Variants in SGSM2 observed in about 807,000 individuals in gnomAD.
The protein encoded by SGSM2 is RUN and TBC1 domain containing 1.
A neutral mutation model predicts 126.6 loss-of-function variants in SGSM2; 89 were observed. The observed-to-expected ratio is 0.70, with a 90% CI of 0.59 to 0.84. The LOEUF is 0.84. Among genes scored for constraint, SGSM2 ranks in the 40% least tolerant of loss-of-function variants. The pLI, the probability that SGSM2 is intolerant of heterozygous loss-of-function variation, is 0.00. For missense variants in SGSM2, 1,404 were observed against 1,416.6 expected, an observed-to-expected ratio of 0.99 and a Z score of 0.14; for synonymous variants, 614 against 574.3, an observed-to-expected ratio of 1.07 and a Z score of -0.99.
At chr17:2,375,939 G>T in intron 18 of SGSM2, 64 bp downstream of exon 18, 3 of 1,512,306 alleles carry the variant, frequency 2.0e-6, no homozygotes, top group Non-Finnish European at 2.6e-6. Flanking sequence ...TCCCAGAGCT[G>T]GGGAAGCGCT....
At chr17:2,353,841 G>A (rs956810354) in intron 2 of SGSM2, among the ~76,000 whole-genome samples, 1 of 151,978 alleles carries the variant, frequency 6.6e-6, no homozygotes, top group Admixed American at 6.6e-5. Context: ...CTATGTACGA[G>A]TCCCACACAG....
At chr17:2,340,118 CTT>C (rs201303211) in intron 1 of SGSM2, among the ~76,000 whole-genome samples, 27 of 145,366 alleles carry the variant, frequency 1.9e-4, no homozygotes, top group South Asian at 2.2e-4. Context: ...ATGGGAAATA[CTT>C]TTTTTTTTTT....
Position 2,367,193 on chromosome 17 carries a change from C to A in SGSM2, c.1289-78C>A. ...CACGATGACCCCGGCCTCCATTCCA[C>A]TCCCCTTAAGGAGGGAGTCCGTCCT... On this transcript the variant is annotated intron_variant, in intron 11 of 23. Coordinates refer to ENST00000268989, the MANE Select transcript of SGSM2 (RefSeq NM_014853.3). This position sits in a 1 kb window ranked among gnomAD's most constrained non-coding sequence, Gnocchi z 4.0. The A allele has an allele frequency of 6.7e-7, 1 of 1,488,626 alleles. No homozygotes were observed. The highest frequency in any genetic ancestry group is 1.3e-5 in the South Asian group (1 of 77,486). 92.2% of individuals were successfully genotyped at this position (1,488,626 alleles called of 1,614,324 possible). A position where few individuals can be genotyped will look rare whatever the true frequency, so the allele number is the denominator to read the frequency against.
rs774920933 is a variant in SGSM2 at position 2,373,465 on chromosome 17, C to T, written c.2052C>T (p.Asp684=). The T allele has an allele frequency of 1.5e-5, 24 of 1,607,628 alleles. No homozygotes were observed. In the South Asian group the frequency reaches 2.4e-4, roughly 16 times the overall value. ...AGTTCTCCTCAGGCAGCAGCATCGA[C>T]AGCCACGTGCAGCGCCTCATCCACC... ...RTKFSSGSSI[D]SHVQRLIHRD... Residue 684 remains aspartate (D), a synonymous_variant, in exon 17 of 24, where the codon GAC becomes GAT. Transcript: ENST00000268989.
At position 2,367,477 on chromosome 17, in the gene SGSM2, C is replaced by T. The variant is rs2065649595; in HGVS notation, c.1423+72C>T. 2 of 1,549,732 alleles carry T rather than the reference C, an allele frequency of 1.3e-6. No individual in the cohort carries two copies. Among genetic ancestry groups the T allele is most frequent in the Admixed American group, 3.5e-5 (2 of 57,756 alleles). ...TCCCGGGCCCGCCTGCCACCCACCA[C>T]AGGGGTTCGAACGGCAGTGTTGGCA... On this transcript the variant is annotated intron_variant, in intron 12 of 23. Coordinates refer to ENST00000268989, the MANE Select transcript of SGSM2 (RefSeq NM_014853.3). The surrounding 1 kb of genome is among the most constrained non-coding windows in gnomAD (Gnocchi z 4.0).
chr17:2,360,713 C>T (rs1318261597), intron 2 of SGSM2, among the ~76,000 whole-genome samples: 1 of 152,246 alleles, frequency 6.6e-6, no homozygotes, highest in Non-Finnish European at 1.5e-5. Flanking sequence ...TCCAGCACAG[C>T]TCACTGTTTC....
At chr17:2,353,763 C>CT (rs1442080845) in intron 2 of SGSM2, among the ~76,000 whole-genome samples, 1 of 118,888 alleles carries the variant, frequency 8.4e-6, no homozygotes, top group East Asian at 3.4e-4. Flanking sequence ...GAGACTCTGT[C>CT]TTTAAAAAAA....
chr17:2,357,440 A>G (rs886384861), intron 2 of SGSM2, among the ~76,000 whole-genome samples: 5 of 152,172 alleles, frequency 3.3e-5, no homozygotes, highest in Non-Finnish European at 7.3e-5. Context: ...CAGCCATAAA[A>G]AGGAATACAT....
chr17:2,370,618 G>A (rs1202350947), intron 12 of SGSM2, among the ~76,000 whole-genome samples: 1 of 150,814 alleles, frequency 6.6e-6, no homozygotes. Flanking sequence ...GGCTAGGCAG[G>A]GATGGAGCAG....
chr17:2,371,184 A>G, intron 12 of SGSM2, 78 bp from the exon 13 acceptor site: 1 of 1,459,954 alleles, frequency 6.8e-7, no homozygotes, highest in Non-Finnish European at 9.1e-7. Flanking sequence ...AGCTCTGGGC[A>G]CAGAGGTGGG....
At chr17:2,358,530 G>GCA in intron 2 of SGSM2, among the ~76,000 whole-genome samples, 1 of 152,128 alleles carries the variant, frequency 6.6e-6, no homozygotes, top group Non-Finnish European at 1.5e-5. Flanking sequence ...GCAACATAGT[G>GCA]AGACCTCAGT....
At chr17:2,375,426 G>C in intron 17 of SGSM2, 66 bp from the exon 18 acceptor site, 3 of 1,532,820 alleles carry the variant, frequency 2.0e-6, no homozygotes, top group Non-Finnish European at 2.6e-6. Flanking sequence ...CTTCTGGCCC[G>C]AGGAGGCGGT....
Position 2,373,387 on chromosome 17 carries a change from C to G in SGSM2, c.1974C>G (p.Cys658Trp), listed in dbSNP as rs771819000. Residue 658 changes from cysteine (C) to tryptophan (W), a missense_variant, in exon 17 of 24, where the codon TGC (cysteine) becomes TGG (tryptophan). Cys to Trp is a radical substitution (Grantham distance 215, BLOSUM62 -2). Coordinates refer to ENST00000268989, the MANE Select transcript of SGSM2 (RefSeq NM_014853.3). ...AGGTGTTGGCAGAGTGGAAGGCCTG[C>G]GAGGTGGTGGTGAGGCAGCGGGAGC... ...YQQVLAEWKA[C>W]EVVVRQRERE... 32 of 1,612,842 alleles carry G rather than the reference C, an allele frequency of 2.0e-5. No individual in the cohort carries two copies. The highest frequency in any genetic ancestry group is 2.7e-5 in the Non-Finnish European group (32 of 1,179,952).
chr17:2,364,170 G>A lies in SGSM2; in HGVS notation c.919G>A (p.Glu307Lys), dbSNP rs1461331644. 2.5e-6 allele frequency: 4 copies of A among 1,613,862 alleles called. No homozygotes were observed. The highest frequency in any genetic ancestry group is 1.1e-5 in the South Asian group (1 of 91,082). The stretch of plus-strand genomic sequence containing the variant: ...CATGAATGGGACTCTGGGGGACTCC[G>A]AGCTGGAAAAGAGGTGGGGGCTTTG... ...QLMNGTLGDSELEKSVYWDYA... is the reference protein window; with the variant it reads ...QLMNGTLGDSKLEKSVYWDYA... The change falls in exon 8 of 24, where the codon GAG (glutamate) becomes AAG (lysine). Residue 307 changes from glutamate to lysine, a missense_variant. Glu to Lys is a moderately conservative substitution (Grantham distance 56). Transcript: ENST00000268989.
rs2065419242 is a variant in SGSM2 at position 2,363,554 on chromosome 17, A to G, written c.762A>G (p.Ser254=). 1 of 1,613,546 alleles carries G rather than the reference A, an allele frequency of 6.2e-7. No individual in the cohort carries two copies. Among genetic ancestry groups the G allele is most frequent in the Non-Finnish European group, 8.5e-7 (1 of 1,179,984 alleles). The change falls in exon 7 of 24, where the codon TCA becomes TCG. Residue 254 remains serine (S), a synonymous_variant. Coordinates refer to ENST00000268989, the MANE Select transcript of SGSM2 (RefSeq NM_014853.3). The surrounding 1 kb of genome is among the most constrained non-coding windows in gnomAD (Gnocchi z 4.2). ...RECVESLHQN[S]RTRLLYGKNH... is the part of the protein sequence containing the mutation. ...GTGTGGAGTCCCTGCACCAGAACTC[A>G]CGGACGCGGCTGCTCTATGGCAAGA...
intron 2 of SGSM2, among the ~76,000 whole-genome samples, chr17:2,351,567 G>A (rs1018406381): frequency 2.6e-5 from 4 of 152,130 alleles, no homozygotes; most frequent in African/African-American, 9.7e-5. Context: ...CTGTGCATGC[G>A]GACCCTGTCT....
At chr17:2,361,595 C>G (rs747057858) in intron 2 of SGSM2, 42 bp from the exon 3 acceptor site, 2 of 1,602,436 alleles carry the variant, frequency 1.2e-6, no homozygotes, top group Admixed American at 1.7e-5. Flanking sequence ...CCTGCTCCCC[C>G]GTCTTTCCCA....
At chr17:2,370,453 C>T (rs917136848) in intron 12 of SGSM2, among the ~76,000 whole-genome samples, 9 of 140,564 alleles carry the variant, frequency 6.4e-5, no homozygotes, top group Non-Finnish European at 1.4e-4. Flanking sequence ...TCTTCTGAGG[C>T]TGCAACTGGG....
At chr17:2,340,044 T>A (rs997330556) in intron 1 of SGSM2, among the ~76,000 whole-genome samples, 2 of 152,184 alleles carry the variant, frequency 1.3e-5, no homozygotes, top group Admixed American at 1.3e-4. Context: ...TACTTGTGTC[T>A]ACACTTGAGG....
Sources: allele counts gnomAD v4.1 joint callset (sites outside exome capture counted in the v4.1 genomes callset), GRCh38; gene constraint gnomAD v4.1.1; non-coding constraint Gnocchi (gnomAD v3.1); transcripts MANE v1.5; gene names NCBI Gene and HGNC (gene_info 2026-07-23, HGNC 2026-07-21).